HS6ST3: variants seen among roughly 807,000 people sequenced by gnomAD.
HS6ST3 encodes heparan-sulfate 6-O-sulfotransferase 3.
In HS6ST3, 12 loss-of-function variants were observed where a neutral mutation model predicts 36.7. That is an observed-to-expected ratio of 0.33 (90% CI 0.21 to 0.53). The LOEUF (loss-of-function observed/expected upper bound fraction) is 0.53, where lower values mean the gene tolerates loss of function less well. Ranked by LOEUF, HS6ST3 falls within the 20% of genes least tolerant of loss-of-function variation. The pLI is 0.95. For missense variants in HS6ST3, 584 were observed against 640.9 expected, an observed-to-expected ratio of 0.91 and a Z score of 0.96; for synonymous variants, 240 against 257.5, an observed-to-expected ratio of 0.93 and a Z score of 0.65.
At chr13:96,358,799 C>G (rs964674258) in intron 1 of HS6ST3, among the ~76,000 whole-genome samples, 1 of 151,894 alleles carries the variant, frequency 6.6e-6, no homozygotes, top group Non-Finnish European at 1.5e-5. Context: ...AAGACGCATG[C>G]TGAAATATTT....
chr13:96,651,954 T>C (rs2056609013), intron 1 of HS6ST3, among the ~76,000 whole-genome samples: 1 of 152,148 alleles, frequency 6.6e-6, no homozygotes, highest in Non-Finnish European at 1.5e-5. Flanking sequence ...CAGATTTGGC[T>C]CCCTATGTTA....
chr13:96,599,949 T>A (rs923341452), intron 1 of HS6ST3, among the ~76,000 whole-genome samples: 2 of 152,106 alleles, frequency 1.3e-5, no homozygotes, highest in African/African-American at 4.8e-5. Context: ...TTTGTGAGTT[T>A]CTCTTGGAAT....
intron 1 of HS6ST3, among the ~76,000 whole-genome samples, chr13:96,784,097 GAA>G (rs36068908): frequency 1.6e-5 from 2 of 127,590 alleles, no homozygotes. Flanking sequence ...TTCTTGCTGA[GAA>G]AAAAAAAAAA....
chr13:96,093,462 A>G (rs571462913), intron 1 of HS6ST3, among the ~76,000 whole-genome samples: 14 of 152,266 alleles, frequency 9.2e-5, no homozygotes, highest in African/African-American at 2.4e-4. Context: ...TATGATTTCT[A>G]GTGTATGATC....
intron 1 of HS6ST3, among the ~76,000 whole-genome samples, chr13:96,359,566 T>C (rs2055227141): frequency 6.6e-6 from 1 of 152,122 alleles, no homozygotes; most frequent in Admixed American, 6.5e-5. Context: ...ATCAGAACAT[T>C]GGGGATGGGG....
intron 1 of HS6ST3, among the ~76,000 whole-genome samples, chr13:96,452,627 C>G (rs531190307): frequency 1.4e-4 from 22 of 151,828 alleles, no homozygotes; most frequent in Non-Finnish European, 1.5e-4. Context: ...CTACATTTTT[C>G]TAATATGCAA....
At chr13:96,339,489 C>T (rs1001540903) in intron 1 of HS6ST3, among the ~76,000 whole-genome samples, 1 of 152,162 alleles carries the variant, frequency 6.6e-6, no homozygotes, top group Non-Finnish European at 1.5e-5. Flanking sequence ...AGGGGTGCTT[C>T]CTTGCCCAAG....
intron 1 of HS6ST3, among the ~76,000 whole-genome samples, chr13:96,754,846 TCA>T: frequency 6.6e-6 from 1 of 152,214 alleles, no homozygotes; most frequent in East Asian, 1.9e-4. Flanking sequence ...ATAGTTCTCT[TCA>T]TATAATATCA....
rs182945504 is a variant in HS6ST3, at chr13:96,805,738, G to T, written c.708-26752G>T. Among the ~76,000 whole-genome samples the T allele has an allele frequency of 3.9e-5, 6 of 152,286 alleles. No homozygotes were observed. The East Asian group carries it at 9.6e-4, about 24-fold the overall frequency. On this transcript the variant is annotated intron_variant, in intron 1 of 1. Coordinates refer to ENST00000376705, the MANE Select transcript of HS6ST3 (RefSeq NM_153456.4). The stretch of plus-strand genomic sequence containing the variant: ...TTTTTCAAAGGAAATAGAATATGGA[G>T]CTTGATATTTCTCCAGGAATCACCA...
intron 1 of HS6ST3, among the ~76,000 whole-genome samples, chr13:96,466,285 G>GA (rs869166188): frequency 9.3e-5 from 5 of 53,522 alleles, no homozygotes; most frequent in African/African-American, 1.6e-4. Context: ...TCTCAAAAAA[G>GA]AAAAAAAACA....
In HS6ST3 at chr13:96,397,505, T is replaced by TA. The variant is rs139946555; in HGVS notation, c.707+305943dup. Among the ~76,000 whole-genome samples, 634 of 152,278 alleles carry TA rather than the reference T, an allele frequency of 4.2e-3. 7 individuals are homozygous for TA. Among genetic ancestry groups the TA allele is most frequent in the African/African-American group, 0.014 (600 of 41,574 alleles). ...TCTTTGACTCATCAATATAAATTGT[T>TA]AAAAAAACTCTTACATTTCAATTTA... On this transcript the variant is annotated intron_variant, in intron 1 of 1. Transcript: ENST00000376705.
At chr13:96,812,312 A>T (rs1878332274) in intron 1 of HS6ST3, among the ~76,000 whole-genome samples, 1 of 152,132 alleles carries the variant, frequency 6.6e-6, no homozygotes, top group Non-Finnish European at 1.5e-5. Context: ...ATTTCCCCAT[A>T]TGCCTTTGCC....
At chr13:96,829,305 C>T (rs1878717921) in intron 1 of HS6ST3, among the ~76,000 whole-genome samples, 1 of 148,148 alleles carries the variant, frequency 6.8e-6, no homozygotes, top group South Asian at 2.2e-4. Context: ...ACTGCTCCAA[C>T]TTTTTTTTTT....
Position 96,833,146 on chromosome 13 carries a change from C to T in HS6ST3, c.1364C>T (p.Ala455Val). Residue 455 changes from alanine (A) to valine (V), a missense_variant, in exon 2 of 2, where the codon GCT becomes GTT. By Grantham distance (64) the Ala-to-Val change is moderately conservative. Transcript: ENST00000376705. ...CACCAGTGGCCCAAAGAAGATGGGG[C>T]TGCAGAAGGGACTGTCACCGAGGAC... Reference protein sequence around the residue: ...RDHQWPKEDGAAEGTVTEDYN... With the variant: ...RDHQWPKEDGVAEGTVTEDYN... 1 of 1,597,120 alleles carries T rather than the reference C, an allele frequency of 6.3e-7. No individual in the cohort carries two copies. Among genetic ancestry groups the T allele is most frequent in the East Asian group, 2.2e-5 (1 of 44,816 alleles).
At chr13:96,707,219 G>T (rs753476697) in intron 1 of HS6ST3, among the ~76,000 whole-genome samples, 1 of 152,096 alleles carries the variant, frequency 6.6e-6, no homozygotes, top group Non-Finnish European at 1.5e-5. Context: ...TGGGATAAAT[G>T]CCCTTATAAG....
chr13:96,557,956 C>T (rs1237735135), intron 1 of HS6ST3, among the ~76,000 whole-genome samples: 2 of 152,240 alleles, frequency 1.3e-5, no homozygotes, highest in South Asian at 2.1e-4. Context: ...TAATAGCTAC[C>T]TCACAAGGTT....
intron 1 of HS6ST3, among the ~76,000 whole-genome samples, chr13:96,800,968 A>G (rs999351009): frequency 6.6e-6 from 1 of 152,022 alleles, no homozygotes; most frequent in African/African-American, 2.4e-5. Context: ...ATTGTCCCCA[A>G]TTTCTCAGCC....
chr13:96,735,046 C>T (rs1876248522), intron 1 of HS6ST3, among the ~76,000 whole-genome samples: 1 of 152,154 alleles, frequency 6.6e-6, no homozygotes, highest in African/African-American at 2.4e-5. Flanking sequence ...CATTTATACT[C>T]ATTCAAATTA....
At chr13:96,737,175 T>G (rs1389663798) in intron 1 of HS6ST3, among the ~76,000 whole-genome samples, 5 of 152,108 alleles carry the variant, frequency 3.3e-5, no homozygotes, top group Non-Finnish European at 7.4e-5. Flanking sequence ...TTATAAAAAT[T>G]GACAGTAAGT....
Sources: gnomAD v4.1 joint callset for allele counts (sites outside exome capture counted in the v4.1 genomes callset) on GRCh38, gnomAD v4.1.1 for gene constraint, MANE v1.5 for transcripts, NCBI Gene and HGNC (gene_info 2026-07-23, HGNC 2026-07-21) for gene names.